The following DENND4A variants were observed in gnomAD, a reference collection of about 807,000 sequenced individuals.
DENND4A encodes DENN domain containing 4A, also known as C-myc promoter-binding protein.
In DENND4A, 70 loss-of-function variants were observed where a neutral mutation model predicts 199.3. That is an observed-to-expected ratio of 0.35 (90% confidence interval 0.29 to 0.43). The LOEUF (loss-of-function observed/expected upper bound fraction) is 0.43. Among genes scored for constraint, DENND4A ranks in the 20% least tolerant of loss-of-function variants. The probability of loss-of-function intolerance (pLI) is 1.00; values close to 1 mark genes in which losing one functional copy is unlikely to be tolerated. For synonymous variants in DENND4A, 686 were observed against 766.9 expected, an observed-to-expected ratio of 0.89 and a Z score of 1.74; for missense variants, 1,723 against 2,255.8, an observed-to-expected ratio of 0.76 and a Z score of 4.78.
intron 4 of DENND4A, among the ~76,000 whole-genome samples, chr15:65,742,429 A>G (rs1254833462): frequency 1.3e-5 from 2 of 149,896 alleles, no homozygotes; most frequent in Non-Finnish European, 3.0e-5. Context: ...GATTACAGGC[A>G]CGTGCCACCA....
At chr15:65,706,749 C>T (rs938402585) in intron 14 of DENND4A, among the ~76,000 whole-genome samples, 1 of 152,184 alleles carries the variant, frequency 6.6e-6, no homozygotes, top group Admixed American at 6.5e-5. Flanking sequence ...CCGCCTTGGC[C>T]TCCCAAAGTG....
intron 2 of DENND4A, among the ~76,000 whole-genome samples, chr15:65,759,115 T>G (rs1367231558): frequency 6.6e-6 from 1 of 152,212 alleles, no homozygotes; most frequent in Non-Finnish European, 1.5e-5. Flanking sequence ...TTTTCAGAAT[T>G]CATGACACAT....
At chr15:65,746,430 A>C (rs1263969339) in intron 4 of DENND4A, among the ~76,000 whole-genome samples, 1 of 112,306 alleles carries the variant, frequency 8.9e-6, no homozygotes, top group African/African-American at 3.5e-5. Context: ...TCTGTCACGC[A>C]GACTGTAGTG....
chr15:65,667,782 A>T (rs2076089061), intron 28 of DENND4A, 79 bp from the exon 29 acceptor site: 1 of 1,504,088 alleles, frequency 6.6e-7, no homozygotes. Context: ...TTCCCATATG[A>T]GTAGAAAAGT....
chr15:65,709,719 A>AAAAAAAAAAAATATAT (rs1218030026), intron 14 of DENND4A, among the ~76,000 whole-genome samples: 1 of 51,474 alleles, frequency 1.9e-5, no homozygotes, highest in Admixed American at 2.5e-4. Flanking sequence ...AAAAAAAAAA[A>AAAAAAAAAAAATATAT]ATATATATAT....
chr15:65,772,123 C>T (rs1596667927), intron 1 of DENND4A: 2 of 819,834 alleles, frequency 2.4e-6, no homozygotes, highest in Non-Finnish European at 4.2e-6. Flanking sequence ...TTCTCAGCTT[C>T]ATCCCTGTTC....
chr15:65,755,950 C>T (rs2076689649), intron 3 of DENND4A, among the ~76,000 whole-genome samples, 190 bp downstream of exon 3: 1 of 152,148 alleles, frequency 6.6e-6, no homozygotes, highest in African/African-American at 2.4e-5. Context: ...CAAGGTAAGA[C>T]TGCTGGGAAC....
At chr15:65,764,925 T>C (rs1053670594) in intron 1 of DENND4A, among the ~76,000 whole-genome samples, 3 of 142,390 alleles carry the variant, frequency 2.1e-5, no homozygotes, top group African/African-American at 5.4e-5. Context: ...TGAGCTATGA[T>C]GGCACCACTG....
intron 12 of DENND4A, among the ~76,000 whole-genome samples, chr15:65,718,323 G>A (rs564862593): frequency 6.6e-6 from 1 of 152,204 alleles, no homozygotes; most frequent in South Asian, 2.1e-4. Context: ...AGACTAGCCT[G>A]GGCAACATAA....
rs1296775265 is a variant in DENND4A at position 65,663,206 on chromosome 15, T to TTA, written c.5587+1123_5587+1124insTA. 4.5e-3 allele frequency among the ~76,000 whole-genome samples: 653 copies of TTA among 144,794 alleles called. 3 individuals carry two copies. Among genetic ancestry groups the TTA allele is most frequent in the African/African-American group, 0.016 (625 of 38,874 alleles). 95.0% of individuals were successfully genotyped at this position (144,794 alleles called of 152,430 possible). On this transcript the variant is annotated intron_variant, in intron 32 of 32. Coordinates refer to ENST00000443035, the MANE Select transcript of DENND4A (RefSeq NM_001320835.1). Reference sequence around the variant, plus strand: ...TATATATATATATATATATTTTTTTTTTTTTATTTTTTTTTTTGGTTAGAC... The same window carrying TTA: ...TATATATATATATATATATTTTTTTTTATTTTTATTTTTTTTTTTGGTTAGAC...
At chr15:65,692,302 G>T (rs2076999995) in intron 22 of DENND4A, among the ~76,000 whole-genome samples, 1 of 151,986 alleles carries the variant, frequency 6.6e-6, no homozygotes, top group Non-Finnish European at 1.5e-5. Flanking sequence ...AAATGTTAAT[G>T]GCCACTTCAC....
At chr15:65,771,380 A>C in intron 1 of DENND4A, 1 of 1,581,744 alleles carries the variant, frequency 6.3e-7, no homozygotes, top group Non-Finnish European at 8.7e-7. Flanking sequence ...TTGTAATAAC[A>C]TTCCTTTATA....
intron 14 of DENND4A, among the ~76,000 whole-genome samples, chr15:65,708,153 C>T (rs2075124799): frequency 6.7e-6 from 1 of 149,472 alleles, no homozygotes; most frequent in South Asian, 2.2e-4. Context: ...CATGCCACCA[C>T]ACCCAGCTAA....
chr15:65,711,811 A>C (rs568996992), intron 14 of DENND4A, among the ~76,000 whole-genome samples: 19 of 152,258 alleles, frequency 1.2e-4, no homozygotes, highest in South Asian at 6.2e-4. Flanking sequence ...CACACACACA[A>C]AATTAATACT....
chr15:65,694,614 T>C (rs2142106260), intron 22 of DENND4A, among the ~76,000 whole-genome samples: 1 of 152,302 alleles, frequency 6.6e-6, no homozygotes. Context: ...ATTCATATAT[T>C]GTACTGCAAA....
At chr15:65,764,615 A>T (rs992841384) in intron 1 of DENND4A, among the ~76,000 whole-genome samples, 2 of 152,120 alleles carry the variant, frequency 1.3e-5, no homozygotes, top group Non-Finnish European at 2.9e-5. Context: ...TGGGCAATAC[A>T]GCAAGACTCT....
rs773673937 is a variant in DENND4A, at chr15:65,729,567, G to A, written c.1278C>T (p.Ser426=). Residue 426 remains serine (S), a synonymous_variant, in exon 10 of 33, where the codon TCC becomes TCT. Coordinates refer to ENST00000443035, the MANE Select transcript of DENND4A (RefSeq NM_001320835.1). ...ATGCTTCTGTCACACTAGTAAGCAC[G>A]GATGGCCGTAGGGAATGGATAAGAA... ...HKILIHSLRP[S]VLTSVTEALV... 8.1e-6 allele frequency: 13 copies of A among 1,608,108 alleles called. No homozygotes were observed. The highest frequency in any genetic ancestry group is 6.7e-5 in the African/African-American group (5 of 74,826).
chr15:65,739,466 T>A (rs997961713), intron 5 of DENND4A, among the ~76,000 whole-genome samples: 1 of 152,218 alleles, frequency 6.6e-6, no homozygotes, highest in Non-Finnish European at 1.5e-5. Context: ...GGTAAACTAA[T>A]GTTTACATTA....
At chr15:65,663,217 T>TTTTA (rs1566978899) in intron 32 of DENND4A, among the ~76,000 whole-genome samples, 1 of 145,204 alleles carries the variant, frequency 6.9e-6, no homozygotes, top group African/African-American at 2.6e-5. Flanking sequence ...TTTTTATTTT[T>TTTTA]TTTTTTGGTT....
Sources: allele counts gnomAD v4.1 joint callset (sites outside exome capture counted in the v4.1 genomes callset), GRCh38; gene constraint gnomAD v4.1.1; transcripts MANE v1.5; gene names NCBI Gene and HGNC (gene_info 2026-07-23, HGNC 2026-07-21).